The following FAM135B variants were observed in gnomAD, a reference collection of about 807,000 sequenced individuals.
FAM135B encodes protein FAM135B.
In FAM135B, 43 loss-of-function variants were observed where a neutral mutation model predicts 127.7. The ratio of observed to expected loss-of-function variants is 0.34; its 90% CI spans 0.26 to 0.43. The LOEUF (loss-of-function observed/expected upper bound fraction) is 0.43. Among genes scored for constraint, FAM135B ranks in the 20% least tolerant of loss-of-function variants. The probability of loss-of-function intolerance (pLI) is 1.00; values close to 1 mark genes in which losing one functional copy is unlikely to be tolerated. For synonymous variants in FAM135B, 670 were observed against 665.1 expected (o/e 1.01, Z -0.11); for missense variants, 1,558 against 1,725.6 (o/e 0.90, Z 1.72).
intron 2 of FAM135B, among the ~76,000 whole-genome samples, chr8:138,323,207 C>T (rs1020377329): frequency 7.2e-5 from 11 of 152,226 alleles, no homozygotes; most frequent in Non-Finnish European, 1.5e-4. Context: ...TACCCGCATT[C>T]TCCTTATTGA....
chr8:138,269,161 C>T (rs960381375), intron 3 of FAM135B, among the ~76,000 whole-genome samples: 1 of 152,166 alleles, frequency 6.6e-6, no homozygotes, highest in Non-Finnish European at 1.5e-5. Flanking sequence ...TCTTCTCCCC[C>T]CACAAAATGA....
At chr8:138,223,130 C>G (rs1273574424) in intron 7 of FAM135B, among the ~76,000 whole-genome samples, 1 of 152,120 alleles carries the variant, frequency 6.6e-6, no homozygotes, top group African/African-American at 2.4e-5. Context: ...TCTGAACCTC[C>G]GTTTTCTTGT....
intron 3 of FAM135B, among the ~76,000 whole-genome samples, chr8:138,277,615 A>G (rs1262844296): frequency 6.6e-6 from 1 of 152,202 alleles, no homozygotes; most frequent in East Asian, 1.9e-4. Context: ...AGTCTCAGGC[A>G]TAGCCAGTGT....
At chr8:138,218,652 TC>T in intron 7 of FAM135B, among the ~76,000 whole-genome samples, 1 of 151,982 alleles carries the variant, frequency 6.6e-6, no homozygotes, top group Non-Finnish European at 1.5e-5. Flanking sequence ...ATATCCCTCC[TC>T]CTTTCTTTTT....
chr8:138,445,784 G>C (rs1836116359), intron 1 of FAM135B, among the ~76,000 whole-genome samples: 2 of 152,252 alleles, frequency 1.3e-5, no homozygotes, highest in South Asian at 4.1e-4. Context: ...ATTCAACATA[G>C]TGTTGGAAGT....
Position 138,406,782 on chromosome 8 carries a change from G to A in FAM135B, c.-19-38780C>T, listed in dbSNP as rs552075310. 2.7e-5 allele frequency among the ~76,000 whole-genome samples: 4 copies of A among 150,228 alleles called. 1 individual carries two copies. The highest frequency in any genetic ancestry group is 5.9e-5 in the Non-Finnish European group (4 of 67,592). On this transcript the variant is annotated intron_variant, in intron 1 of 19. Coordinates refer to ENST00000395297, the MANE Select transcript of FAM135B (RefSeq NM_015912.4). ...TCTCGAAATAATCAGAGCTATGTAT[G>A]ACAAACTCACAGCCAAAATCATACT...
chr8:138,288,622 C>T (rs1234130036), intron 3 of FAM135B, among the ~76,000 whole-genome samples: 3 of 152,100 alleles, frequency 2.0e-5, no homozygotes, highest in Non-Finnish European at 4.4e-5. Flanking sequence ...CTGTCACATG[C>T]CAGGGTGAGT....
chr8:138,365,877 A>G (rs1158902063), intron 2 of FAM135B, among the ~76,000 whole-genome samples: 2 of 152,140 alleles, frequency 1.3e-5, no homozygotes, highest in African/African-American at 4.8e-5. Context: ...AAGTTACTGA[A>G]CGGGATTCTG....
chr8:138,343,381 G>C (rs965884701), intron 2 of FAM135B, among the ~76,000 whole-genome samples: 2 of 152,154 alleles, frequency 1.3e-5, no homozygotes, highest in African/African-American at 4.8e-5. Flanking sequence ...CAGCTTTTCA[G>C]GCACAAAGCT....
In FAM135B at chr8:138,241,541, G is replaced by A. The variant is rs1820772329; in HGVS notation, c.669+1401C>T. Among the ~76,000 whole-genome samples the A allele has an allele frequency of 6.6e-6, 1 of 152,116 alleles. No individual in the cohort carries two copies. Among genetic ancestry groups the A allele is most frequent in the Non-Finnish European group, 1.5e-5 (1 of 68,028 alleles). On this transcript the variant is annotated intron_variant, in intron 7 of 19. Transcript: ENST00000395297. The surrounding 1 kb of genome is among the most constrained non-coding windows in gnomAD (Gnocchi z 4.8). Reference sequence around the variant, plus strand: ...CTTTTGCCACCAGACCTCCTGGCTGGGTCTCAGAGCTAGCAAAGATAACAT... The same window carrying A: ...CTTTTGCCACCAGACCTCCTGGCTGAGTCTCAGAGCTAGCAAAGATAACAT...
At chr8:138,377,257 G>A (rs1831537401) in intron 1 of FAM135B, among the ~76,000 whole-genome samples, 1 of 152,182 alleles carries the variant, frequency 6.6e-6, no homozygotes, top group South Asian at 2.1e-4. Context: ...TCAAACGATT[G>A]TGTATTACAG....
chr8:138,420,718 A>G (rs1834443117), intron 1 of FAM135B, among the ~76,000 whole-genome samples: 1 of 152,220 alleles, frequency 6.6e-6, no homozygotes, highest in Non-Finnish European at 1.5e-5. Flanking sequence ...GATTCATCAC[A>G]TAAACAGAAC....
In FAM135B at chr8:138,303,524, CA is replaced by C. The variant is rs1826033185; in HGVS notation, c.157+7316del. Among the ~76,000 whole-genome samples, 13 of 152,236 alleles carry C rather than the reference CA, an allele frequency of 8.5e-5. No homozygotes were observed. In the South Asian group the frequency reaches 2.7e-3, roughly 32 times the overall value. On this transcript the variant is annotated intron_variant, in intron 3 of 19. Transcript: ENST00000395297. ...CCTGGAGATGGGTTGGTAGGTGCGG[CA>C]AACCACCATGGCCCATGCATGCCTA...
chr8:138,311,037 T>C (rs188675277), intron 2 of FAM135B, 117 bp from the exon 3 acceptor site: 200 of 719,238 alleles, frequency 2.8e-4, no homozygotes, highest in Non-Finnish European at 4.3e-4. Flanking sequence ...CTTGGCAGCA[T>C]GCACAATCAT....
At chr8:138,413,049 G>A (rs16909119) in intron 1 of FAM135B, among the ~76,000 whole-genome samples, 13,301 of 152,152 alleles carry the variant, frequency 0.087, 990 homozygotes, top group East Asian at 0.26. Flanking sequence ...TGAGTGACCC[G>A]GACCGTATTC....
intron 3 of FAM135B, among the ~76,000 whole-genome samples, chr8:138,271,513 ACACT>A (rs768912835): frequency 4.6e-5 from 7 of 152,168 alleles, no homozygotes; most frequent in Non-Finnish European, 1.0e-4. Flanking sequence ...TCAGCATTGA[ACACT>A]CACAGGGTTC....
At chr8:138,386,080 G>A (rs1039116038) in intron 1 of FAM135B, among the ~76,000 whole-genome samples, 1 of 151,930 alleles carries the variant, frequency 6.6e-6, no homozygotes, top group African/African-American at 2.4e-5. Context: ...GCTGGGCGTG[G>A]TGGTGCGCAC....
At chr8:138,173,438 C>T (rs1044552423) in intron 11 of FAM135B, among the ~76,000 whole-genome samples, 4 of 152,128 alleles carry the variant, frequency 2.6e-5, no homozygotes, top group Non-Finnish European at 5.9e-5. Flanking sequence ...ATGCTTGTGT[C>T]GCTTGCTGGC....
chr8:138,277,210 C>T (rs937110889), intron 3 of FAM135B, among the ~76,000 whole-genome samples: 6 of 152,172 alleles, frequency 3.9e-5, no homozygotes, highest in Admixed American at 3.9e-4. Context: ...GAGGCTCTTG[C>T]AGCTGACATT....
Sources: gnomAD v4.1 joint callset for allele counts (sites outside exome capture counted in the v4.1 genomes callset) on GRCh38, gnomAD v4.1.1 for gene constraint, Gnocchi (gnomAD v3.1) non-coding constraint, MANE v1.5 for transcripts, NCBI Gene and HGNC (gene_info 2026-07-23, HGNC 2026-07-21) for gene names.